Variants in TMPO observed in about 807,000 individuals in gnomAD.
TMPO encodes LEM domain containing 4.
A neutral mutation model predicts 45.4 loss-of-function variants in TMPO; 22 were observed. The observed-to-expected ratio is 0.48, with a 90% confidence interval of 0.35 to 0.69. The LOEUF is 0.69. Among genes scored for constraint, TMPO ranks in the 30% least tolerant of loss-of-function variants. The pLI is 0.01. For synonymous variants in TMPO, 241 were observed against 204.1 expected (o/e 1.18, Z -1.54); for missense variants, 512 against 548.8 (o/e 0.93, Z 0.67).
At position 98,515,629 on chromosome 12, in the gene TMPO, G is replaced by A. The variant is rs1565800780; in HGVS notation, c.-239G>A. 5 of 706,898 alleles carry A rather than the reference G, an allele frequency of 7.1e-6. No individual in the cohort carries two copies. The highest frequency in any genetic ancestry group is 5.5e-5 in the East Asian group (2 of 36,132). 43.8% of individuals were successfully genotyped at this position (706,898 alleles called of 1,614,324 possible). A position where few individuals can be genotyped will look rare whatever the true frequency, so the allele number is the denominator to read the frequency against. ...GCCTCCTGCCTGTAGTGTGTGGGCT[G>A]GGGTTGGTGCGAGCTTCCAGCTTGG... On this transcript the variant is annotated 5_prime_UTR_variant, in exon 1 of 9. Coordinates refer to ENST00000556029, the MANE Select transcript of TMPO (RefSeq NM_001032283.3).
chr12:98,544,359 G>A lies in TMPO; in HGVS notation c.783+10G>A. ...AACTCCAAGGAAAAGGGTGATGCAA[G>A]GCTTATTCCTTGGGTTTTCAGATTT... is the stretch of plus-strand genomic sequence containing the variant. On this transcript the variant is annotated intron_variant, in intron 5 of 8. Transcript: ENST00000556029. The A allele has an allele frequency of 6.2e-7, 1 of 1,613,824 alleles. No individual in the cohort carries two copies.
In TMPO at chr12:98,518,905, C is replaced by T. The variant is rs560745465; in HGVS notation, c.279+2759C>T. Among the ~76,000 whole-genome samples, 4 of 149,912 alleles carry T rather than the reference C, an allele frequency of 2.7e-5. No individual in the cohort carries two copies. The South Asian group carries it at 8.4e-4, about 31-fold the overall frequency. ...AATGAAGGGTTTTTTTTTTTTGAGA[C>T]GAGTCTTGCTCTGTCGCCCAGTCTG... On this transcript the variant is annotated intron_variant, in intron 1 of 8. Transcript: ENST00000556029.
In TMPO at chr12:98,549,172, A is replaced by C. The variant is rs1161670937; in HGVS notation, c.*1314A>C. On this transcript the variant is annotated 3_prime_UTR_variant, in exon 9 of 9. Coordinates refer to ENST00000556029, the MANE Select transcript of TMPO (RefSeq NM_001032283.3). ...CTTGCTTTTATATTACATCATAAGC[A>C]GTAGTTAATAAAGTTGTATACTCTT... 1 of 152,218 alleles carries C rather than the reference A, an allele frequency of 6.6e-6. No individual in the cohort carries two copies. The highest frequency in any genetic ancestry group is 2.4e-5 in the African/African-American group (1 of 41,462). The allele number at this position is 152,218 out of a possible 1,614,324, so 9.4% of individuals were successfully genotyped here. A position where few individuals can be genotyped will look rare whatever the true frequency, so the allele number is the denominator to read the frequency against.
rs963466651 is a variant in TMPO, at chr12:98,549,507, G to T, written c.*1649G>T. The T allele has an allele frequency of 1.1e-4, 16 of 151,578 alleles. No individual in the cohort carries two copies. Among genetic ancestry groups the T allele is most frequent in the African/African-American group, 3.9e-4 (16 of 41,232 alleles). 9.4% of individuals were successfully genotyped at this position (151,578 alleles called of 1,614,324 possible). On this transcript the variant is annotated 3_prime_UTR_variant, in exon 9 of 9. Transcript: ENST00000556029. ...TCTTGAAATGGTTATCTTTGTGGAT[G>T]ATTTTTTTTTTTAAGCTGAAACTTA...
At chr12:98,526,788 T>A (rs932747231) in intron 1 of TMPO, among the ~76,000 whole-genome samples, 1 of 152,028 alleles carries the variant, frequency 6.6e-6, no homozygotes, top group Non-Finnish European at 1.5e-5. Flanking sequence ...TGAAACCCCG[T>A]CTCTACTAAA....
At chr12:98,522,252 G>A (rs1876428878) in intron 1 of TMPO, among the ~76,000 whole-genome samples, 1 of 152,058 alleles carries the variant, frequency 6.6e-6, no homozygotes, top group African/African-American at 2.4e-5. Flanking sequence ...TGGCCTCAAG[G>A]GATCCTCCTG....
Position 98,531,534 on chromosome 12 carries a change from C to G in TMPO, c.407-146C>G. ...ACAGTCGTGAGCCACTATGTCTGGC[C>G]GCATTATATGGTATTTTTTTTTTTA... On this transcript the variant is annotated intron_variant, in intron 2 of 8. Transcript: ENST00000556029. 7 of 864,110 alleles carry G rather than the reference C, an allele frequency of 8.1e-6. No homozygotes were observed. The South Asian group carries it at 1.1e-4, about 14-fold the overall frequency. 53.5% of individuals were successfully genotyped at this position (864,110 alleles called of 1,614,324 possible). A position where few individuals can be genotyped will look rare whatever the true frequency, so the allele number is the denominator to read the frequency against.
chr12:98,548,097 CTT>C lies in TMPO; in HGVS notation c.*243_*244del, dbSNP rs1235249115. ...TGAATAATCTTTTTTAGCTCTGGAA[CTT>C]TTTGTAGGCTTTATTTTTTTAATGT... On this transcript the variant is annotated 3_prime_UTR_variant, in exon 9 of 9. Coordinates refer to ENST00000556029, the MANE Select transcript of TMPO (RefSeq NM_001032283.3). 2.5e-6 allele frequency: 1 copy of C among 401,500 alleles called. No homozygotes were observed. The highest frequency in any genetic ancestry group is 4.4e-6 in the Non-Finnish European group (1 of 228,564). The allele number at this position is 401,500 out of a possible 1,614,324, so 24.9% of individuals were successfully genotyped here. A position where few individuals can be genotyped will look rare whatever the true frequency, so the allele number is the denominator to read the frequency against.
intron 8 of TMPO, 68 bp downstream of exon 8, chr12:98,546,515 C>A: frequency 1.7e-6 from 2 of 1,200,246 alleles, no homozygotes; most frequent in Non-Finnish European, 2.5e-6. Flanking sequence ...AATTCTTCAT[C>A]ACAAAGTTAC....
intron 1 of TMPO, among the ~76,000 whole-genome samples, chr12:98,518,423 G>A (rs1195530547): frequency 4.7e-5 from 7 of 149,502 alleles, no homozygotes. Flanking sequence ...TCCCTGAGTA[G>A]CAAGGGCAAC....
rs1442003754 is a variant in TMPO at position 98,533,451 on chromosome 12, C to T, written c.565+1613C>T. The T allele has an allele frequency of 6.2e-7, 1 of 1,614,166 alleles. No homozygotes were observed. Among genetic ancestry groups the T allele is most frequent in the Admixed American group, 1.7e-5 (1 of 60,000 alleles). On this transcript the variant is annotated intron_variant, in intron 3 of 8. Transcript: ENST00000556029. ...TAGGTAGTTTGCCTGGAACTTCTAA[C>T]TCTATGCCCCCACTGGATGTAGAAA...
At chr12:98,542,608 TCC>T (rs1051330888) in intron 4 of TMPO, among the ~76,000 whole-genome samples, 1 of 152,168 alleles carries the variant, frequency 6.6e-6, no homozygotes, top group Non-Finnish European at 1.5e-5. Context: ...ACACCTGTAA[TCC>T]CCGCACTTTG....
In TMPO at chr12:98,547,584, G is replaced by A. The variant is rs1233543490; in HGVS notation, c.1091G>A (p.Arg364His). Reference protein sequence around the residue: ...STPTGISASCRRPIKGAAGRP... With the variant: ...STPTGISASCHRPIKGAAGRP... ...TTCACTCCCAACAGTGCTAGTTGCCGCAGACCAATCAAAGGGGCTGCAGGC... is the reference window on the plus strand; with the variant it reads ...TTCACTCCCAACAGTGCTAGTTGCCACAGACCAATCAAAGGGGCTGCAGGC... Residue 364 changes from arginine (R) to histidine (H), a missense_variant, in exon 9 of 9, where the codon CGC becomes CAC. Around this residue, in one of 3 missense-constraint regions of TMPO, gnomAD observed 209 missense variants for 235.1 expected, o/e 0.89. Transcript: ENST00000556029. 5.6e-6 allele frequency: 9 copies of A among 1,613,992 alleles called. No homozygotes were observed. Among genetic ancestry groups the A allele is most frequent in the East Asian group, 2.2e-5 (1 of 44,884 alleles).
rs2121091751 is a variant in TMPO, at chr12:98,515,778, G to A, written c.-90G>A. The stretch of plus-strand genomic sequence containing the variant: ...CGGGCAGGAGCCGTGAGGCTCGGAG[G>A]CGGCAGCGCGGTCCCCGGCCAGGAG... On this transcript the variant is annotated 5_prime_UTR_variant, in exon 1 of 9. Transcript: ENST00000556029. 6.5e-7 allele frequency: 1 copy of A among 1,549,052 alleles called. No individual in the cohort carries two copies. The highest frequency in any genetic ancestry group is 8.7e-7 in the Non-Finnish European group (1 of 1,147,074).
chr12:98,535,327 G>C, intron 3 of TMPO: 4 of 983,504 alleles, frequency 4.1e-6, no homozygotes, highest in Non-Finnish European at 4.8e-6. Flanking sequence ...CTGTATGTCT[G>C]TATAAAGCAG....
At chr12:98,543,039 T>C (rs1023645278) in intron 4 of TMPO, among the ~76,000 whole-genome samples, 3 of 152,142 alleles carry the variant, frequency 2.0e-5, no homozygotes, top group African/African-American at 7.2e-5. Context: ...CAAATATAGA[T>C]AAATACAAAA....
intron 2 of TMPO, among the ~76,000 whole-genome samples, chr12:98,531,298 G>A (rs191328139): frequency 6.8e-6 from 1 of 146,364 alleles, no homozygotes; most frequent in Non-Finnish European, 1.5e-5. Context: ...GGACAGTGGT[G>A]CGATCTCAGC....
chr12:98,524,306 G>C (rs1001454106), intron 1 of TMPO, among the ~76,000 whole-genome samples: 4 of 152,164 alleles, frequency 2.6e-5, no homozygotes, highest in African/African-American at 9.7e-5. Context: ...GGGTGCTGTG[G>C]CTCACGCCTG....
chr12:98,524,582 GA>G (rs36039336), intron 1 of TMPO, among the ~76,000 whole-genome samples: 28,003 of 137,898 alleles, frequency 0.2, 2,725 homozygotes, highest in South Asian at 0.3. Context: ...CCTTGAAAAA[GA>G]AAAAAAAAAA....
Sources: allele counts gnomAD v4.1 joint callset (sites outside exome capture counted in the v4.1 genomes callset), GRCh38; gene constraint gnomAD v4.1.1; regional missense constraint gnomAD v4.1.1; transcripts MANE v1.5; gene names NCBI Gene and HGNC (gene_info 2026-07-23, HGNC 2026-07-21).